GSR: variants seen among roughly 807,000 people sequenced by gnomAD.
GSR encodes glutathione reductase, mitochondrial.
Under a neutral mutation model 56.5 loss-of-function variants are expected in GSR, and 48 were observed. The ratio of observed to expected loss-of-function variants is 0.85; its 90% CI spans 0.67 to 1.08. GSR has a LOEUF of 1.08. GSR is among the 50% of genes least tolerant of loss of function. GSR has a pLI of 0.00. For missense variants in GSR, 694 were observed against 703.3 expected (o/e 0.99, Z 0.15); for synonymous variants, 264 against 270.8 (o/e 0.97, Z 0.25).
At chr8:30,714,216 T>C (rs1022481497) in intron 1 of GSR, among the ~76,000 whole-genome samples, 1 of 137,148 alleles carries the variant, frequency 7.3e-6, no homozygotes, top group African/African-American at 2.7e-5. Flanking sequence ...TTTTTTTTTT[T>C]TTTTTTTTTT....
chr8:30,688,630 G>A (rs1000635934), intron 9 of GSR, among the ~76,000 whole-genome samples: 2 of 147,256 alleles, frequency 1.4e-5, no homozygotes, highest in African/African-American at 2.5e-5. Context: ...AAGGCCAGAC[G>A]TGGCGGCCTT....
chr8:30,727,383 C>T, intron 1 of GSR, 147 bp downstream of exon 1: 1 of 799,696 alleles, frequency 1.3e-6, no homozygotes, highest in South Asian at 1.7e-5. Flanking sequence ...TGCTGGGTTC[C>T]TGGCTTCGGA....
At chr8:30,710,684 TC>T (rs1231072163) in intron 2 of GSR, among the ~76,000 whole-genome samples, 2 of 115,438 alleles carry the variant, frequency 1.7e-5, no homozygotes, top group Non-Finnish European at 3.3e-5. Context: ...ACCACTGCAT[TC>T]CGGCCTGGGC....
chr8:30,714,824 C>T (rs1056209202), intron 1 of GSR, among the ~76,000 whole-genome samples: 4 of 152,282 alleles, frequency 2.6e-5, no homozygotes, highest in Middle Eastern at 3.4e-3. Flanking sequence ...TGAGCCACCA[C>T]GCTTGGCCTG....
At chr8:30,727,504 C>T (rs1254754761) in intron 1 of GSR, 26 bp downstream of exon 1, 2 of 1,532,336 alleles carry the variant, frequency 1.3e-6, no homozygotes, top group South Asian at 1.2e-5. Context: ...AGGCGCCCCC[C>T]GCCCGAACAA....
chr8:30,711,595 G>GCTGAGGTGGGCAGATCAC (rs1445377322), intron 2 of GSR, among the ~76,000 whole-genome samples: 4 of 152,180 alleles, frequency 2.6e-5, no homozygotes, highest in Non-Finnish European at 5.9e-5. Context: ...ATTTTGGGAG[G>GCTGAGGTGGGCAGATCAC]CTGAGGTGGG....
rs779495845 is a variant in GSR, at chr8:30,679,505, C to A, written c.*15G>T. ...TCTATGGGTCCCACTGCCCGCCACA[C>A]GTGTCTCCTGGTTCTCAACGAAGTG... On this transcript the variant is annotated 3_prime_UTR_variant, in exon 13 of 13. Coordinates refer to ENST00000221130, the MANE Select transcript of GSR (RefSeq NM_000637.5). 1 of 1,613,120 alleles carries A rather than the reference C, an allele frequency of 6.2e-7. No individual in the cohort carries two copies. The highest frequency in any genetic ancestry group is 8.5e-7 in the Non-Finnish European group (1 of 1,179,128).
intron 2 of GSR, 71 bp downstream of exon 2, chr8:30,711,991 C>T: frequency 1.1e-6 from 1 of 882,054 alleles, no homozygotes; most frequent in Non-Finnish European, 1.9e-6. Context: ...TATTTGGAAA[C>T]ATTCTGATTT....
chr8:30,689,197 C>T lies in GSR; in HGVS notation c.1005G>A (p.Arg335=). The change falls in exon 9 of 13, where the codon CGG becomes CGA. Residue 335 remains arginine, a synonymous_variant. Transcript: ENST00000221130. ...DVDCLLWAIG[R]VPNTKDLSLN... ...AACTCAGGTCCTTGGTATTCGGGAC[C>T]CGCCCAATGGCCCAGAGCAGGCAGT... 1.9e-6 allele frequency: 3 copies of T among 1,614,012 alleles called. No individual in the cohort carries two copies. The highest frequency in any genetic ancestry group is 2.5e-6 in the Non-Finnish European group (3 of 1,179,956).
At chr8:30,696,591 G>C (rs1803551450) in intron 6 of GSR, 112 bp from the exon 7 acceptor site, 11 of 754,444 alleles carry the variant, frequency 1.5e-5, no homozygotes, top group Non-Finnish European at 2.6e-5. Context: ...TATACCCCTT[G>C]ATCAGTTTTC....
intron 6 of GSR, among the ~76,000 whole-genome samples, chr8:30,696,892 T>C (rs1410494977): frequency 1.3e-5 from 2 of 151,992 alleles, no homozygotes; most frequent in Non-Finnish European, 2.9e-5. Context: ...AGAGACAGAG[T>C]CTCACCATGT....
intron 3 of GSR, 59 bp downstream of exon 3, chr8:30,709,755 A>G: frequency 5.3e-6 from 5 of 944,818 alleles, no homozygotes; most frequent in Non-Finnish European, 8.7e-6. Flanking sequence ...TTTATGGCTC[A>G]GTTATAAAAG....
At position 30,681,935 on chromosome 8, in the gene GSR, G is replaced by GTTTT; in HGVS notation, c.1279_1280insAAAA (p.Thr427LysfsTer5). 1 of 1,613,688 alleles carries GTTTT rather than the reference G, an allele frequency of 6.2e-7. No individual in the cohort carries two copies. The highest frequency in any genetic ancestry group is 8.5e-7 in the Non-Finnish European group (1 of 1,179,592). ...TTCAGTTTTTAAATACCTACCTTCC[G>GTTTT]TGAGTCCCACTGTCCCAATAGGGGG... On this transcript the variant is annotated frameshift_variant, in exon 11 of 13. Coordinates refer to ENST00000221130, the MANE Select transcript of GSR (RefSeq NM_000637.5). LOFTEE classifies it high-confidence loss of function.
intron 5 of GSR, among the ~76,000 whole-genome samples, chr8:30,700,585 A>G (rs1312282988): frequency 1.3e-5 from 2 of 151,892 alleles, no homozygotes; most frequent in Admixed American, 6.6e-5. Context: ...TTAGCTGGGC[A>G]TGGTGGCACG....
chr8:30,722,013 C>CA (rs77867964), intron 1 of GSR, among the ~76,000 whole-genome samples: 6,418 of 122,370 alleles, frequency 0.052, 195 homozygotes, highest in African/African-American at 0.11. Flanking sequence ...GACTCTGTCT[C>CA]AAAAAAAAAA....
intron 1 of GSR, among the ~76,000 whole-genome samples, chr8:30,723,259 C>T (rs1355538281): frequency 6.6e-6 from 1 of 152,038 alleles, no homozygotes; most frequent in African/African-American, 2.4e-5. Context: ...TGACTTTGGG[C>T]GATCTTTGCA....
chr8:30,724,756 G>C (rs1365198022), intron 1 of GSR, among the ~76,000 whole-genome samples: 1 of 151,966 alleles, frequency 6.6e-6, no homozygotes, highest in Non-Finnish European at 1.5e-5. Flanking sequence ...GGCTGGTCTC[G>C]AACTCCTGAC....
At chr8:30,690,995 T>C (rs1447561443) in intron 8 of GSR, among the ~76,000 whole-genome samples, 2 of 151,764 alleles carry the variant, frequency 1.3e-5, no homozygotes, top group African/African-American at 2.4e-5. Context: ...GAGACTGCAG[T>C]GAGCAATGAT....
chr8:30,704,291 C>T (rs1803852534), intron 4 of GSR, among the ~76,000 whole-genome samples: 1 of 152,098 alleles, frequency 6.6e-6, no homozygotes, highest in Non-Finnish European at 1.5e-5. Context: ...CGCCACTGCA[C>T]TCCATCCTGG....
Sources: allele counts gnomAD v4.1 joint callset (sites outside exome capture counted in the v4.1 genomes callset), GRCh38; gene constraint gnomAD v4.1.1; transcripts MANE v1.5; gene names NCBI Gene and HGNC (gene_info 2026-07-23, HGNC 2026-07-21).